The following AUTS2 variants were observed in gnomAD, a reference collection of about 807,000 sequenced individuals.
The protein encoded by AUTS2 is autism susceptibility gene 2 protein.
In AUTS2, 17 loss-of-function variants were observed where a neutral mutation model predicts 112.4. That is an observed-to-expected ratio of 0.15 (90% confidence interval 0.10 to 0.23). The LOEUF is 0.23. Ranked by LOEUF, AUTS2 falls within the 10% of genes least tolerant of loss-of-function variation. The probability of loss-of-function intolerance (pLI) is 1.00; values close to 1 mark genes in which losing one functional copy is unlikely to be tolerated. For missense variants in AUTS2, 1,510 were observed against 1,701.6 expected (o/e 0.89, Z 1.98); for synonymous variants, 751 against 702.7 (o/e 1.07, Z -1.09).
intron 10 of AUTS2, among the ~76,000 whole-genome samples, chr7:70,770,500 C>T (rs1790267729): frequency 6.6e-6 from 1 of 152,182 alleles, no homozygotes; most frequent in Admixed American, 6.5e-5. Context: ...TGTATGGTGG[C>T]TTGATAAATG....
chr7:69,918,964 C>T (rs1386122946), intron 2 of AUTS2, among the ~76,000 whole-genome samples: 2 of 152,020 alleles, frequency 1.3e-5, no homozygotes, highest in Non-Finnish European at 2.9e-5. Context: ...TGTCCATTTC[C>T]ACATTCTTTC....
chr7:70,743,855 G>C (rs1273864692), intron 6 of AUTS2, among the ~76,000 whole-genome samples: 1 of 152,152 alleles, frequency 6.6e-6, no homozygotes. Flanking sequence ...TGACCCATTG[G>C]CCATGGTCAC....
At position 70,678,431 on chromosome 7, in the gene AUTS2, C is replaced by T. The variant is rs1302408520; in HGVS notation, c.691-20138C>T. On this transcript the variant is annotated intron_variant, in intron 5 of 18. Coordinates refer to ENST00000342771, the MANE Select transcript of AUTS2 (RefSeq NM_015570.4). ...CCCCTCAACTCTCCTTGGAGTGGTA[C>T]TGGGGGGAGCAAGACACATAAGCAA... 3.9e-5 allele frequency among the ~76,000 whole-genome samples: 6 copies of T among 152,160 alleles called. No homozygotes were observed. The East Asian group carries it at 1.2e-3, about 29-fold the overall frequency.
rs1197746741 is a variant in AUTS2, at chr7:70,724,879, G to A, written c.742+26259G>A. On this transcript the variant is annotated intron_variant, in intron 6 of 18. Coordinates refer to ENST00000342771, the MANE Select transcript of AUTS2 (RefSeq NM_015570.4). ...CAATTTACTGTCTCCATTACAAGGT[G>A]TACCATTGACTTAATACTGGTTTTT... Among the ~76,000 whole-genome samples the A allele has an allele frequency of 2.6e-5, 4 of 152,170 alleles. No individual in the cohort carries two copies. In the East Asian group the frequency reaches 5.8e-4, roughly 22 times the overall value.
chr7:69,988,651 G>C (rs939683708), intron 2 of AUTS2, among the ~76,000 whole-genome samples: 1 of 152,150 alleles, frequency 6.6e-6, no homozygotes, highest in East Asian at 1.9e-4. Flanking sequence ...TTGAATGAAT[G>C]AGTGAATCAA....
At chr7:69,693,435 C>T (rs182482596) in intron 1 of AUTS2, among the ~76,000 whole-genome samples, 2 of 152,152 alleles carry the variant, frequency 1.3e-5, no homozygotes, top group South Asian at 4.1e-4. Flanking sequence ...TTTCTCTTGG[C>T]CATATGGATT....
chr7:70,739,971 C>T (rs575468386), intron 6 of AUTS2, among the ~76,000 whole-genome samples: 4 of 152,300 alleles, frequency 2.6e-5, no homozygotes, highest in Admixed American at 2.6e-4. Context: ...GCTCCCCTCC[C>T]CTCATCCACT....
chr7:70,390,104 C>T (rs749639967), intron 4 of AUTS2, among the ~76,000 whole-genome samples: 2 of 152,152 alleles, frequency 1.3e-5, no homozygotes, highest in Non-Finnish European at 2.9e-5. Flanking sequence ...CACATTTCCC[C>T]CTTACCTTCC....
intron 1 of AUTS2, among the ~76,000 whole-genome samples, chr7:69,848,076 G>C (rs1792290519): frequency 6.6e-6 from 1 of 152,218 alleles, no homozygotes; most frequent in African/African-American, 2.4e-5. Context: ...AGTCATTAGA[G>C]ACTGGCAGAG....
intron 6 of AUTS2, among the ~76,000 whole-genome samples, chr7:70,737,301 G>A (rs531909499): frequency 7.0e-4 from 107 of 152,290 alleles, no homozygotes; most frequent in African/African-American, 2.3e-3. Flanking sequence ...CCATTATGTG[G>A]CTCAAGCACC....
chr7:69,986,950 G>T (rs967410409), intron 2 of AUTS2, among the ~76,000 whole-genome samples: 5 of 152,128 alleles, frequency 3.3e-5, no homozygotes, highest in Non-Finnish European at 5.9e-5. Flanking sequence ...CAAATAGTAG[G>T]TTCGATATTT....
At chr7:70,125,245 ATGTG>A (rs59747508) in intron 3 of AUTS2, among the ~76,000 whole-genome samples, 2,475 of 144,876 alleles carry the variant, frequency 0.017, 57 homozygotes, top group African/African-American at 0.046. Flanking sequence ...TTATTTGGAG[ATGTG>A]TGTGTGTGTG....
At chr7:70,363,626 C>A (rs1010237231) in intron 4 of AUTS2, among the ~76,000 whole-genome samples, 5 of 152,006 alleles carry the variant, frequency 3.3e-5, no homozygotes, top group Non-Finnish European at 7.4e-5. Flanking sequence ...TATCCCATAA[C>A]TCAACGGGTA....
chr7:70,255,739 GAGAT>G (rs1786833075), intron 4 of AUTS2, among the ~76,000 whole-genome samples: 1 of 152,060 alleles, frequency 6.6e-6, no homozygotes, highest in Non-Finnish European at 1.5e-5. Context: ...CTTATAGAAA[GAGAT>G]AGAACTTTTG....
At chr7:70,135,989 C>T (rs1393254207) in intron 4 of AUTS2, among the ~76,000 whole-genome samples, 1 of 152,144 alleles carries the variant, frequency 6.6e-6, no homozygotes, top group African/African-American at 2.4e-5. Flanking sequence ...AGTCCTTGAT[C>T]ACTTCTGTAC....
chr7:70,308,755 A>G (rs1789601535), intron 4 of AUTS2, among the ~76,000 whole-genome samples: 1 of 152,218 alleles, frequency 6.6e-6, no homozygotes, highest in Non-Finnish European at 1.5e-5. Flanking sequence ...ATCCTTTCTC[A>G]GACATGTGCC....
intron 4 of AUTS2, among the ~76,000 whole-genome samples, chr7:70,399,559 T>C (rs1273214369): frequency 6.6e-6 from 1 of 152,196 alleles, no homozygotes; most frequent in Non-Finnish European, 1.5e-5. Context: ...GTTTTGCCAG[T>C]CTTTTATAAT....
At chr7:70,419,259 G>A (rs2130639627) in intron 4 of AUTS2, among the ~76,000 whole-genome samples, 1 of 152,154 alleles carries the variant, frequency 6.6e-6, no homozygotes, top group East Asian at 1.9e-4. Context: ...CCCCAATTTG[G>A]TAACATTTAG....
rs551868512 is a variant in AUTS2 at position 70,203,931 on chromosome 7, A to AAT, written c.660+69361_660+69362dup. Among the ~76,000 whole-genome samples the AAT allele has an allele frequency of 1.6e-4, 24 of 151,796 alleles. No individual in the cohort carries two copies. The East Asian group carries it at 4.1e-3, about 26-fold the overall frequency. On this transcript the variant is annotated intron_variant, in intron 4 of 18. Coordinates refer to ENST00000342771, the MANE Select transcript of AUTS2 (RefSeq NM_015570.4). ...GAGAATTATGTTTTGAAAATAAATG[A>AAT]ATGATTGGCTATTAAAAAAATTTTT... is the stretch of plus-strand genomic sequence containing the variant.
Sources: gnomAD v4.1 joint callset for allele counts (sites outside exome capture counted in the v4.1 genomes callset) on GRCh38, gnomAD v4.1.1 for gene constraint, MANE v1.5 for transcripts, NCBI Gene and HGNC (gene_info 2026-07-23, HGNC 2026-07-21) for gene names.